The following SPAG4 variants were observed in gnomAD, a reference collection of about 807,000 sequenced individuals.
SPAG4 encodes the protein sperm-associated antigen 4 protein.
In SPAG4, 54 loss-of-function variants were observed where a neutral mutation model predicts 53.9. That is an observed-to-expected ratio of 1.00 (90% CI 0.80 to 1.26). The LOEUF is 1.26. SPAG4 is among the 50% of genes most tolerant of loss of function. The probability of loss-of-function intolerance (pLI) is 0.00; values close to 1 mark genes in which losing one functional copy is unlikely to be tolerated. For synonymous variants in SPAG4, 246 were observed against 237.4 expected, an observed-to-expected ratio of 1.04 and a Z score of -0.33; for missense variants, 548 against 568.6, an observed-to-expected ratio of 0.96 and a Z score of 0.37.
intron 4 of SPAG4, 115 bp downstream of exon 4, chr20:35,617,955 C>T: frequency 7.4e-7 from 1 of 1,344,310 alleles, no homozygotes; most frequent in Non-Finnish European, 1.1e-6. Context: ...TGCAGAACCC[C>T]CTAATTCCCC....
chr20:35,618,021 C>A (rs754264357), intron 4 of SPAG4, 66 bp from the exon 5 acceptor site: 1 of 1,534,192 alleles, frequency 6.5e-7, no homozygotes, highest in African/African-American at 1.4e-5. Flanking sequence ...TTTCCACTGT[C>A]CCCCTATGCC....
intron 9 of SPAG4, 50 bp downstream of exon 9, chr20:35,619,360 A>G: frequency 6.4e-7 from 1 of 1,557,662 alleles, no homozygotes; most frequent in Non-Finnish European, 8.9e-7. Flanking sequence ...ACGCTGGGAA[A>G]AGCACCAAAA....
At chr20:35,617,929 G>C (rs929258344) in intron 4 of SPAG4, 89 bp downstream of exon 4, 14 of 1,440,952 alleles carry the variant, frequency 9.7e-6, no homozygotes, top group Non-Finnish European at 1.4e-5. Context: ...CGGTCCTGCA[G>C]CTCCTGGCAT....
chr20:35,619,074 C>T, intron 8 of SPAG4, 76 bp downstream of exon 8: 1 of 1,479,140 alleles, frequency 6.8e-7, no homozygotes, highest in Non-Finnish European at 9.4e-7. Context: ...CAGACCCATG[C>T]ACCTGACCGG....
intron 8 of SPAG4, 31 bp from the exon 9 acceptor site, chr20:35,619,164 A>G: frequency 7.9e-7 from 1 of 1,266,198 alleles, no homozygotes; most frequent in Non-Finnish European, 1.1e-6. Context: ...AAGGCCTGGG[A>G]GCCTCTGAGG....
At position 35,621,082 on chromosome 20, in the gene SPAG4, G is replaced by A. The variant is rs78235643; in HGVS notation, c.*60G>A. 8.5e-4 allele frequency: 1,341 copies of A among 1,577,866 alleles called. 8 individuals are homozygous for A. In the African/African-American group the frequency reaches 0.012, roughly 14 times the overall value. ...TGAAGGATACTGGATCAGTGCTTTC[G>A]GGGGCTCTGTTGGGAGAGCTCTGGC... On this transcript the variant is annotated 3_prime_UTR_variant, in exon 12 of 12. Transcript: ENST00000374273.
At chr20:35,617,750 G>T (rs757289441) in intron 3 of SPAG4, 29 bp from the exon 4 acceptor site, 1 of 1,609,488 alleles carries the variant, frequency 6.2e-7, no homozygotes, top group Non-Finnish European at 8.5e-7. Context: ...TGAGCAGGTC[G>T]GGGCCTCAGC....
At chr20:35,617,684 A>T in intron 3 of SPAG4, 95 bp from the exon 4 acceptor site, 2 of 1,563,340 alleles carry the variant, frequency 1.3e-6, no homozygotes, top group Non-Finnish European at 1.8e-6. Flanking sequence ...TTCAGATCTG[A>T]TTGAGTCATG....
intron 3 of SPAG4, 69 bp downstream of exon 3, chr20:35,617,655 T>C (rs2031433674): frequency 1.3e-6 from 2 of 1,581,840 alleles, no homozygotes; most frequent in South Asian, 2.2e-5. Flanking sequence ...GGCCGGAACC[T>C]TGCTGGCGCT....
Position 35,618,976 on chromosome 20 carries a change from C to T in SPAG4, c.771C>T (p.Pro257=). ...TGAATGAGGATTTTGTGCGGAAGCC[C>T]GACTATGCTTTGAGCTCTGTGGGTA... ...QRLNEDFVRK[P]DYALSSVGAS... Residue 257 remains proline, a synonymous_variant, in exon 8 of 12, where the codon CCC becomes CCT. Coordinates refer to ENST00000374273, the MANE Select transcript of SPAG4 (RefSeq NM_003116.3). 6.2e-7 allele frequency: 1 copy of T among 1,614,082 alleles called. No individual in the cohort carries two copies. Among genetic ancestry groups the T allele is most frequent in the East Asian group, 2.2e-5 (1 of 44,878 alleles).
In SPAG4 at chr20:35,618,621, C is replaced by G. The variant is rs1454353797; in HGVS notation, c.618C>G (p.His206Gln). Residue 206 changes from histidine to glutamine, a missense_variant, in exon 7 of 12, where the codon CAC (histidine) becomes CAG (glutamine). Transcript: ENST00000374273. ...CACCTCCCACCTCCAGTGAGTACCA[C>G]GAGCGCGTGCGCTCCCAGGGGCAGC... is the stretch of plus-strand genomic sequence containing the variant. ...PKEMLTLSEY[H>Q]ERVRSQGQQL... The G allele has an allele frequency of 6.3e-7, 1 of 1,598,668 alleles. No individual in the cohort carries two copies. The highest frequency in any genetic ancestry group is 8.5e-7 in the Non-Finnish European group (1 of 1,172,614).
chr20:35,616,997 T>G, intron 1 of SPAG4, 139 bp from the exon 2 acceptor site: 1 of 628,338 alleles, frequency 1.6e-6, no homozygotes, highest in South Asian at 1.9e-5. Flanking sequence ...GGAGCCGGGA[T>G]AGGGCTGCGG....
chr20:35,617,647 C>T (rs1322870977), intron 3 of SPAG4, 61 bp downstream of exon 3: 5 of 1,588,692 alleles, frequency 3.1e-6, no homozygotes, highest in Non-Finnish European at 4.3e-6. Context: ...GGGAGCAGGG[C>T]CGGAACCTTG....
Position 35,616,246 on chromosome 20 carries a change from G to A in SPAG4, c.243G>A (p.Ala81=), listed in dbSNP as rs115161777. The change falls in exon 1 of 12, where the codon GCG becomes GCA. Residue 81 remains alanine, a synonymous_variant. Transcript: ENST00000374273. The part of the protein sequence containing the change: ...TWAGSSQQKP[A]PRSHNWQTAC... Reference sequence around the variant, plus strand: ...CAGGAAGCTCTCAGCAGAAGCCAGCGCCTCGGAGCCACAACTGGCAGACAG... The same window carrying A: ...CAGGAAGCTCTCAGCAGAAGCCAGCACCTCGGAGCCACAACTGGCAGACAG... 5,633 of 1,521,654 alleles carry A rather than the reference G, an allele frequency of 3.7e-3. 175 individuals are homozygous for A. The African/African-American group carries it at 0.069, about 19-fold the overall frequency. The allele number at this position is 1,521,654 out of a possible 1,614,324, so 94.3% of individuals were successfully genotyped here. A position where few individuals can be genotyped will look rare whatever the true frequency, so the allele number is the denominator to read the frequency against.
chr20:35,618,512 T>G lies in SPAG4; in HGVS notation c.608+37T>G, dbSNP rs2031460758. On this transcript the variant is annotated intron_variant, in intron 6 of 11. Coordinates refer to ENST00000374273, the MANE Select transcript of SPAG4 (RefSeq NM_003116.3). ...CACCTAGGGTGGGAAATTGGGGGGC[T>G]CAAAGTTGCTTCTTTGAGAACCTTG... The G allele has an allele frequency of 1.9e-6, 3 of 1,612,792 alleles. No homozygotes were observed. The East Asian group carries it at 6.7e-5, about 36-fold the overall frequency.
At chr20:35,616,538 G>A in intron 1 of SPAG4, 1 of 267,250 alleles carries the variant, frequency 3.7e-6, no homozygotes, top group Non-Finnish European at 5.8e-6. Context: ...GAGGGGGCGC[G>A]GCCTCAATGT....
At chr20:35,617,626 T>A in intron 3 of SPAG4, 40 bp downstream of exon 3, 1 of 1,600,966 alleles carries the variant, frequency 6.2e-7, no homozygotes, top group Non-Finnish European at 8.5e-7. Flanking sequence ...AACAGCTCTT[T>A]GGAGGGGGTG....
rs570755247 is a variant in SPAG4 at position 35,617,054 on chromosome 20, C to G, written c.305-82C>G. On this transcript the variant is annotated intron_variant, in intron 1 of 11. Coordinates refer to ENST00000374273, the MANE Select transcript of SPAG4 (RefSeq NM_003116.3). ...ACTTCCCAGCTGTCTGGCTTGTGGA[C>G]TGAGCAATCTGCGGCCCGGTCTCGA... 3.4e-6 allele frequency: 3 copies of G among 883,880 alleles called. No homozygotes were observed. In the South Asian group the frequency reaches 4.4e-5, roughly 13 times the overall value. 54.8% of individuals were successfully genotyped at this position (883,880 alleles called of 1,614,324 possible). A position where few individuals can be genotyped will look rare whatever the true frequency, so the allele number is the denominator to read the frequency against.
intron 2 of SPAG4, 73 bp from the exon 3 acceptor site, chr20:35,617,447 C>A (rs2031425260): frequency 1.4e-6 from 2 of 1,403,914 alleles, no homozygotes; most frequent in Middle Eastern, 2.3e-4. Flanking sequence ...CCTTCTGAAC[C>A]CGGACACCAC....
Sources: gnomAD v4.1 joint callset for allele counts on GRCh38, gnomAD v4.1.1 for gene constraint, MANE v1.5 for transcripts, NCBI Gene and HGNC (gene_info 2026-07-23, HGNC 2026-07-21) for gene names.